GTSF1: variants seen among roughly 807,000 people sequenced by gnomAD.
GTSF1 encodes gametocyte-specific factor 1.
A neutral mutation model predicts 28.9 loss-of-function variants in GTSF1; 11 were observed. The ratio of observed to expected loss-of-function variants is 0.38; its 90% CI spans 0.24 to 0.63. GTSF1 has a LOEUF of 0.63. GTSF1 is among the 30% of genes least tolerant of loss of function. The pLI is 0.56. For missense variants in GTSF1, 146 were observed against 201.0 expected (o/e 0.73, Z 1.66); for synonymous variants, 69 against 65.6 (o/e 1.05, Z -0.25).
chr12:54,459,237 T>C (rs1177611922), intron 7 of GTSF1, 112 bp from the exon 8 acceptor site: 26 of 1,431,916 alleles, frequency 1.8e-5, no homozygotes, highest in Non-Finnish European at 2.3e-5. Flanking sequence ...AATTATAATA[T>C]AAAAGTAGAA....
At chr12:54,463,434 C>A in intron 3 of GTSF1, 137 bp from the exon 4 acceptor site, 1 of 697,402 alleles carries the variant, frequency 1.4e-6, no homozygotes, top group African/African-American at 1.8e-5. Flanking sequence ...CAAGTAAACT[C>A]AGAGTAAAAA....
chr12:54,459,311 A>AC, intron 7 of GTSF1, 186 bp from the exon 8 acceptor site: 1 of 1,442,980 alleles, frequency 6.9e-7, no homozygotes, highest in Non-Finnish European at 9.1e-7. Context: ...ACCTTTACCT[A>AC]CCAAGCCTTT....
At chr12:54,458,012 T>A (rs1444688874) in intron 8 of GTSF1, among the ~76,000 whole-genome samples, 1 of 152,358 alleles carries the variant, frequency 6.6e-6, no homozygotes, top group South Asian at 2.1e-4. Context: ...TTTATCTGTT[T>A]CACTGTTCAG....
At position 54,459,716 on chromosome 12, in the gene GTSF1, T is replaced by C. The variant is rs114201475; in HGVS notation, c.488-591A>G. 2.4e-3 allele frequency: 411 copies of C among 171,864 alleles called. 22 individuals carry two copies. The highest frequency in any genetic ancestry group is 9.8e-3 in the African/African-American group (380 of 38,826). The allele number at this position is 171,864 out of a possible 1,614,324, so 10.6% of individuals were successfully genotyped here. A position where few individuals can be genotyped will look rare whatever the true frequency, so the allele number is the denominator to read the frequency against. ...TTCTGATCCCAATTCCCTACTGATA[T>C]TATGCCTTTTTTTTTTTTTTTTTTT... On this transcript the variant is annotated intron_variant, in intron 7 of 8. Coordinates refer to ENST00000305879, the MANE Select transcript of GTSF1 (RefSeq NM_144594.3).
chr12:54,462,766 C>T (rs762866023), intron 4 of GTSF1, 41 bp from the exon 5 acceptor site: 2 of 1,523,638 alleles, frequency 1.3e-6, no homozygotes, highest in East Asian at 2.3e-5. Flanking sequence ...GGGGATATTG[C>T]CAAGTTATTG....
At chr12:54,467,089 A>C (rs61923471) in intron 2 of GTSF1, 23,532 of 152,032 alleles carry the variant, frequency 0.15, 2,406 homozygotes, top group Non-Finnish European at 0.23. Flanking sequence ...TTTTTGTTTT[A>C]CTAAACTGAA....
At position 54,462,159 on chromosome 12, in the gene GTSF1, C is replaced by G. The variant is rs766370506; in HGVS notation, c.342G>C (p.Gln114His). 1 of 1,613,398 alleles carries G rather than the reference C, an allele frequency of 6.2e-7. No homozygotes were observed. The highest frequency in any genetic ancestry group is 1.1e-5 in the South Asian group (1 of 91,056). ...DEDWDKDLWEQTSTPFVWGTT... is the reference protein window; with the variant it reads ...DEDWDKDLWEHTSTPFVWGTT... The stretch of plus-strand genomic sequence containing the variant: ...TGCCCCAGACAAATGGGGTGCTGGT[C>G]TGCTCCCACAAATCTGTTAAAGGAA... The change falls in exon 6 of 9, where the codon CAG (glutamine) becomes CAC (histidine). Residue 114 changes from glutamine to histidine, a missense_variant. Transcript: ENST00000305879.
At chr12:54,466,918 C>G (rs1332978311) in intron 2 of GTSF1, 8 of 148,038 alleles carry the variant, frequency 5.4e-5, no homozygotes, top group African/African-American at 2.0e-4. Flanking sequence ...CGAGTTCGAG[C>G]GATTCTTGTG....
chr12:54,462,275 G>T, intron 5 of GTSF1, 103 bp from the exon 6 acceptor site: 1 of 786,942 alleles, frequency 1.3e-6, no homozygotes, highest in Non-Finnish European at 2.2e-6. Context: ...CCTAAGTTTT[G>T]CAGAAGCAAG....
intron 8 of GTSF1, 126 bp downstream of exon 8, chr12:54,458,961 AAC>A: frequency 1.7e-6 from 1 of 591,912 alleles, no homozygotes; most frequent in Non-Finnish European, 3.0e-6. Context: ...ATACTTAAAA[AAC>A]ACATGCACAC....
rs760137036 is a variant in GTSF1 at position 54,456,127 on chromosome 12, A to C, written c.*47T>G. 1.1e-4 allele frequency: 17 copies of C among 152,644 alleles called. No individual in the cohort carries two copies. Among genetic ancestry groups the C allele is most frequent in the African/African-American group, 3.6e-4 (15 of 41,458 alleles). 9.5% of individuals were successfully genotyped at this position (152,644 alleles called of 1,614,324 possible). A position where few individuals can be genotyped will look rare whatever the true frequency, so the allele number is the denominator to read the frequency against. The stretch of plus-strand genomic sequence containing the variant: ...AATGAGAACCCACTGGTAGAAGAAG[A>C]AGCAACAGTCTTCTAGGGTCTGGCA... On this transcript the variant is annotated 3_prime_UTR_variant, in exon 9 of 9. Transcript: ENST00000305879.
chr12:54,460,762 T>C (rs559134823), intron 6 of GTSF1, among the ~76,000 whole-genome samples: 5 of 152,314 alleles, frequency 3.3e-5, no homozygotes, highest in African/African-American at 1.2e-4. Flanking sequence ...GACAGGCTCA[T>C]CAACTCACTC....
intron 4 of GTSF1, among the ~76,000 whole-genome samples, chr12:54,462,941 ATTTAT>A (rs1403942022): frequency 1.3e-5 from 2 of 152,222 alleles, no homozygotes; most frequent in African/African-American, 2.4e-5. Flanking sequence ...GCAATAAAAG[ATTTAT>A]TTTTAGATGA....
intron 2 of GTSF1, among the ~76,000 whole-genome samples, chr12:54,469,832 G>T (rs1956572406): frequency 6.6e-6 from 1 of 150,848 alleles, no homozygotes; most frequent in Admixed American, 6.6e-5. Flanking sequence ...GGGATTACAC[G>T]CATGAGCCAC....
chr12:54,468,239 T>G (rs758029827), intron 2 of GTSF1, among the ~76,000 whole-genome samples: 2 of 152,080 alleles, frequency 1.3e-5, no homozygotes, highest in Non-Finnish European at 2.9e-5. Context: ...AAGTGATTCT[T>G]GTGCCTCCAC....
chr12:54,473,546 C>T lies in GTSF1; in HGVS notation c.-30G>A, dbSNP rs948781647. ...GGCGCCCCGGGGTGCCTTTCCTTAC[C>T]TCGGTGGACACACACCTTCCTCACA... On this transcript the variant is annotated splice_region_variant and 5_prime_UTR_variant, in exon 1 of 9. Coordinates refer to ENST00000305879, the MANE Select transcript of GTSF1 (RefSeq NM_144594.3). The T allele has an allele frequency of 6.6e-6, 1 of 152,182 alleles. No individual in the cohort carries two copies. The highest frequency in any genetic ancestry group is 2.4e-5 in the African/African-American group (1 of 41,436). The allele number at this position is 152,182 out of a possible 1,614,324, so 9.4% of individuals were successfully genotyped here. A position where few individuals can be genotyped will look rare whatever the true frequency, so the allele number is the denominator to read the frequency against.
intron 2 of GTSF1, chr12:54,468,855 G>A (rs898524642): frequency 6.6e-6 from 1 of 152,114 alleles, no homozygotes; most frequent in African/African-American, 2.4e-5. Context: ...TAGGGACTGT[G>A]TTAAAGTGCT....
intron 2 of GTSF1, among the ~76,000 whole-genome samples, chr12:54,466,075 TGAAA>T (rs929014569): frequency 6.6e-6 from 1 of 152,160 alleles, no homozygotes; most frequent in African/African-American, 2.4e-5. Flanking sequence ...AACTGCTGTG[TGAAA>T]GAAAGCCCCT....
At chr12:54,459,228 A>C (rs1377767653) in intron 7 of GTSF1, 103 bp from the exon 8 acceptor site, 3 of 1,440,274 alleles carry the variant, frequency 2.1e-6, no homozygotes, top group Non-Finnish European at 2.8e-6. Flanking sequence ...TGTATACTGA[A>C]TTATAATATA....
Sources: allele counts gnomAD v4.1 joint callset (sites outside exome capture counted in the v4.1 genomes callset), GRCh38; gene constraint gnomAD v4.1.1; transcripts MANE v1.5; gene names NCBI Gene and HGNC (gene_info 2026-07-23, HGNC 2026-07-21).